Variants in EML6 observed in about 807,000 individuals in gnomAD.
EML6 encodes the protein EMAP like 6.
In EML6, 154 loss-of-function variants were observed where a neutral mutation model predicts 240.1. The ratio of observed to expected loss-of-function variants is 0.64; its 90% CI spans 0.56 to 0.73. The LOEUF (loss-of-function observed/expected upper bound fraction) is 0.73, where lower values mean the gene tolerates loss of function less well. Ranked by LOEUF, EML6 falls within the 30% of genes least tolerant of loss-of-function variation. The probability of loss-of-function intolerance (pLI) is 0.00; values close to 1 mark genes in which losing one functional copy is unlikely to be tolerated. For missense variants in EML6, 2,964 were observed against 2,474.6 expected, an observed-to-expected ratio of 1.20 and a Z score of -4.20; for synonymous variants, 1,148 against 899.0, an observed-to-expected ratio of 1.28 and a Z score of -4.95.
chr2:54,923,981 G>A lies in EML6; in HGVS notation c.3676-4332G>A, dbSNP rs534423250. 1.6e-3 allele frequency among the ~76,000 whole-genome samples: 249 copies of A among 152,292 alleles called. 1 individual carries two copies. Among genetic ancestry groups the A allele is most frequent in the African/African-American group, 5.7e-3 (237 of 41,560 alleles). The stretch of plus-strand genomic sequence containing the variant: ...ATAGTTCATTCATTTTCATAGCTGA[G>A]TAGAATTCCATTGTGTGGATATAAC... On this transcript the variant is annotated intron_variant, in intron 26 of 41. Coordinates refer to ENST00000356458, the MANE Select transcript of EML6 (RefSeq NM_001039753.4).
At chr2:54,826,530 G>T (rs1668602919) in intron 5 of EML6, among the ~76,000 whole-genome samples, 1 of 152,170 alleles carries the variant, frequency 6.6e-6, no homozygotes, top group South Asian at 2.1e-4. Context: ...AACCCAGGAG[G>T]CAGAGGTTGC....
intron 5 of EML6, among the ~76,000 whole-genome samples, chr2:54,824,532 C>T (rs1392231246): frequency 6.6e-6 from 1 of 152,118 alleles, no homozygotes; most frequent in Non-Finnish European, 1.5e-5. Context: ...AGTGCAAAAT[C>T]TTTGTACTCA....
chr2:54,731,036 G>C, intron 2 of EML6, among the ~76,000 whole-genome samples: 1 of 152,216 alleles, frequency 6.6e-6, no homozygotes, highest in East Asian at 1.9e-4. Context: ...CCTTAGGCAA[G>C]ATTTCCAGAG....
intron 28 of EML6, among the ~76,000 whole-genome samples, chr2:54,936,560 G>A (rs1369669212): frequency 6.6e-6 from 1 of 152,130 alleles, no homozygotes; most frequent in African/African-American, 2.4e-5. Context: ...TGGCATATAA[G>A]TACTCACTTA....
chr2:54,863,168 G>A (rs1304223609), intron 12 of EML6, among the ~76,000 whole-genome samples: 1 of 152,202 alleles, frequency 6.6e-6, no homozygotes, highest in Admixed American at 6.5e-5. Flanking sequence ...CAACACTTGG[G>A]TGGGCATGGT....
intron 28 of EML6, among the ~76,000 whole-genome samples, chr2:54,941,032 G>A (rs575580678): frequency 3.7e-4 from 57 of 152,314 alleles, no homozygotes; most frequent in East Asian, 1.5e-3. Context: ...CCAAATCACC[G>A]TATATAAGTA....
chr2:54,733,760 C>T (rs1017063474), intron 2 of EML6, among the ~76,000 whole-genome samples: 6 of 152,260 alleles, frequency 3.9e-5, no homozygotes, highest in Admixed American at 2.0e-4. Context: ...GAAAGAGAAT[C>T]GAATTGCTCT....
intron 2 of EML6, among the ~76,000 whole-genome samples, chr2:54,777,324 G>A (rs1187384531): frequency 6.6e-6 from 1 of 152,196 alleles, no homozygotes; most frequent in African/African-American, 2.4e-5. Context: ...TAGTCCAGCT[G>A]CTCTGCAGGA....
At chr2:54,905,132 G>A (rs1348914769) in intron 24 of EML6, among the ~76,000 whole-genome samples, 1 of 152,132 alleles carries the variant, frequency 6.6e-6, no homozygotes, top group Non-Finnish European at 1.5e-5. Flanking sequence ...GGCTTTGACC[G>A]GCATTTATGA....
In EML6 at chr2:54,853,692, C is replaced by A. The variant is rs573652851; in HGVS notation, c.1494C>A (p.Ala498=). The A allele has an allele frequency of 1.1e-4, 163 of 1,550,602 alleles. No individual in the cohort carries two copies. The highest frequency in any genetic ancestry group is 1.4e-4 in the Non-Finnish European group (155 of 1,146,410). The change falls in exon 11 of 42, where the codon GCC becomes GCA. Residue 498 remains alanine, a synonymous_variant. Transcript: ENST00000356458. ...SKEEIKGIPW[A]SWTCVKGPEV... ...AAGAAATTAAAGGGATTCCTTGGGC[C>A]TCCTGGACATGCGTGAAAGGCCCTG...
intron 2 of EML6, among the ~76,000 whole-genome samples, chr2:54,784,345 A>G (rs913583955): frequency 2.0e-5 from 3 of 152,236 alleles, no homozygotes; most frequent in African/African-American, 4.8e-5. Context: ...TTGCTATATT[A>G]GAATAAATAT....
At chr2:54,876,302 A>G (rs1671504573) in intron 16 of EML6, among the ~76,000 whole-genome samples, 2 of 152,252 alleles carry the variant, frequency 1.3e-5, no homozygotes, top group Admixed American at 1.3e-4. Flanking sequence ...ATACACAGAA[A>G]TAGCCCACAC....
intron 26 of EML6, among the ~76,000 whole-genome samples, chr2:54,919,738 A>G (rs1053264020): frequency 1.1e-4 from 16 of 152,172 alleles, no homozygotes; most frequent in Non-Finnish European, 2.1e-4. Context: ...CCCCCACAGT[A>G]CTATTGCATC....
At chr2:54,895,706 G>A (rs1672726705) in intron 21 of EML6, among the ~76,000 whole-genome samples, 1 of 152,226 alleles carries the variant, frequency 6.6e-6, no homozygotes, top group African/African-American at 2.4e-5. Context: ...GGCTAAACTG[G>A]GGAAGATTTT....
intron 25 of EML6, among the ~76,000 whole-genome samples, chr2:54,912,231 G>C (rs755123756): frequency 2.6e-5 from 4 of 152,126 alleles, no homozygotes; most frequent in Non-Finnish European, 5.9e-5. Flanking sequence ...ACTGTTCACT[G>C]AGAAATTTGA....
At chr2:54,742,412 T>TA (rs566136151) in intron 2 of EML6, among the ~76,000 whole-genome samples, 1 of 152,236 alleles carries the variant, frequency 6.6e-6, no homozygotes, top group Admixed American at 6.5e-5. Flanking sequence ...CAGATTCATA[T>TA]AAGCCAAGAG....
chr2:54,952,599 C>A lies in EML6; in HGVS notation c.4219C>A (p.Gln1407Lys). The stretch of plus-strand genomic sequence containing the variant: ...CCATGATCTCTCTCCCCCAGGGAGC[C>A]AGAGCTTCTATCTGGAGCACACAGA... The part of the protein sequence containing the change: ...GIVQNLSTGS[Q>K]SFYLEHTDDI... The change falls in exon 31 of 42, where the codon CAG (glutamine) becomes AAG (lysine). Residue 1407 changes from glutamine (Q) to lysine (K), a missense_variant. Physicochemically the swap from Gln to Lys is moderately conservative, Grantham distance 53. Coordinates refer to ENST00000356458, the MANE Select transcript of EML6 (RefSeq NM_001039753.4). The A allele has an allele frequency of 6.5e-7, 1 of 1,550,048 alleles. No individual in the cohort carries two copies. The highest frequency in any genetic ancestry group is 1.2e-5 in the South Asian group (1 of 83,916).
At chr2:54,901,944 T>TA (rs1673077940) in intron 22 of EML6, among the ~76,000 whole-genome samples, 1 of 152,084 alleles carries the variant, frequency 6.6e-6, no homozygotes. Flanking sequence ...TACAAAGGAG[T>TA]AGAGAACATG....
chr2:54,971,531 C>G lies in EML6; in HGVS notation c.*1436C>G, dbSNP rs1057204809. ...CATTTTCAATTGTAGAATAGACTAA[C>G]ATTTACCACAGAAGTGCTTCAGCAT... On this transcript the variant is annotated 3_prime_UTR_variant, in exon 42 of 42. Transcript: ENST00000356458. 5 of 152,224 alleles carry G rather than the reference C, an allele frequency of 3.3e-5. No individual in the cohort carries two copies. The highest frequency in any genetic ancestry group is 5.9e-5 in the Non-Finnish European group (4 of 68,046). The allele number at this position is 152,224 out of a possible 1,614,324, so 9.4% of individuals were successfully genotyped here.
Sources: gnomAD v4.1 joint callset for allele counts (sites outside exome capture counted in the v4.1 genomes callset) on GRCh38, gnomAD v4.1.1 for gene constraint, MANE v1.5 for transcripts, NCBI Gene and HGNC (gene_info 2026-07-23, HGNC 2026-07-21) for gene names.